Variants in DGKG observed in about 807,000 individuals in gnomAD.
DGKG encodes the protein diacylglycerol kinase gamma.
Under a neutral mutation model 105.3 loss-of-function variants are expected in DGKG, and 78 were observed. That is an observed-to-expected ratio of 0.74 (90% confidence interval 0.62 to 0.89). The LOEUF (loss-of-function observed/expected upper bound fraction) is 0.89. Among genes scored for constraint, DGKG ranks in the 40% least tolerant of loss-of-function variants. DGKG has a pLI of 0.00. For synonymous variants in DGKG, 346 were observed against 367.1 expected, an observed-to-expected ratio of 0.94 and a Z score of 0.66; for missense variants, 958 against 1,020.1, an observed-to-expected ratio of 0.94 and a Z score of 0.83.
At chr3:186,357,549 G>T (rs1227162336) in intron 1 of DGKG, among the ~76,000 whole-genome samples, 1 of 152,210 alleles carries the variant, frequency 6.6e-6, no homozygotes, top group East Asian at 1.9e-4. Context: ...TTCCTTATCT[G>T]TGAGATGGGG....
chr3:186,359,261 G>C (rs994999716), intron 1 of DGKG, among the ~76,000 whole-genome samples: 3 of 152,128 alleles, frequency 2.0e-5, no homozygotes, highest in Non-Finnish European at 4.4e-5. Context: ...ATGCCCTTTG[G>C]CCTGGTGATC....
chr3:186,260,363 G>A (rs1371414528), intron 16 of DGKG, 76 bp downstream of exon 16: 24 of 1,054,738 alleles, frequency 2.3e-5, no homozygotes, highest in Non-Finnish European at 3.3e-5. Context: ...GAAAAAAAAG[G>A]TGACAAAAGA....
At chr3:186,283,487 G>A (rs1486760527) in intron 7 of DGKG, among the ~76,000 whole-genome samples, 1 of 152,152 alleles carries the variant, frequency 6.6e-6, no homozygotes, top group Admixed American at 6.5e-5. Flanking sequence ...CTCCTAGAGA[G>A]GCCTTCCTCG....
intron 21 of DGKG, among the ~76,000 whole-genome samples, chr3:186,197,417 C>T (rs1718234827): frequency 6.6e-6 from 1 of 152,082 alleles, no homozygotes; most frequent in South Asian, 2.1e-4. Flanking sequence ...TGAAATCCCC[C>T]ACCACCCCGC....
intron 1 of DGKG, among the ~76,000 whole-genome samples, chr3:186,360,055 C>A (rs1387562373): frequency 1.3e-5 from 2 of 152,070 alleles, no homozygotes; most frequent in Non-Finnish European, 2.9e-5. Flanking sequence ...TTGCTGGCTT[C>A]TGGGTTCTTT....
chr3:186,328,722 C>T (rs1343210167), intron 1 of DGKG, among the ~76,000 whole-genome samples: 1 of 151,714 alleles, frequency 6.6e-6, no homozygotes, highest in South Asian at 2.1e-4. Flanking sequence ...ACTACAGGCA[C>T]CTGCCACCAC....
chr3:186,154,644 CAA>C (rs60767699), intron 24 of DGKG, among the ~76,000 whole-genome samples: 12 of 39,972 alleles, frequency 3.0e-4, no homozygotes, highest in African/African-American at 4.3e-4. Context: ...GACTCTGTCT[CAA>C]AAAAAAAAAA....
intron 5 of DGKG, among the ~76,000 whole-genome samples, chr3:186,295,299 G>C (rs1052042889): frequency 6.6e-6 from 1 of 152,002 alleles, no homozygotes; most frequent in African/African-American, 2.4e-5. Context: ...TCAGGAGATC[G>C]AGATCATCCT....
At chr3:186,162,834 G>A (rs1227598687) in intron 23 of DGKG, among the ~76,000 whole-genome samples, 4 of 151,906 alleles carry the variant, frequency 2.6e-5, no homozygotes, top group East Asian at 2.0e-4. Flanking sequence ...GAGCCACCGC[G>A]CCTGGCCCAA....
At position 186,297,068 on chromosome 3, in the gene DGKG, T is replaced by TCTCACACA. The variant is rs1452573661; in HGVS notation, c.373+352_373+353insTGTGTGAG. 4.2e-3 allele frequency among the ~76,000 whole-genome samples: 554 copies of TCTCACACA among 130,494 alleles called. 9 individuals are homozygous for TCTCACACA. Among genetic ancestry groups the TCTCACACA allele is most frequent in the African/African-American group, 0.013 (464 of 34,674 alleles). 85.6% of individuals were successfully genotyped at this position (130,494 alleles called of 152,430 possible). Reference sequence around the variant, plus strand: ...CTCTCTGTCTGTCTGTCTGTCTCTCTCACACACACACACACACACACACAC... The same window carrying TCTCACACA: ...CTCTCTGTCTGTCTGTCTGTCTCTCTCTCACACACACACACACACACACACACACACAC... On this transcript the variant is annotated intron_variant, in intron 5 of 24. Coordinates refer to ENST00000265022, the MANE Select transcript of DGKG (RefSeq NM_001346.3).
At chr3:186,169,701 T>C (rs1400061366) in intron 22 of DGKG, among the ~76,000 whole-genome samples, 1 of 152,234 alleles carries the variant, frequency 6.6e-6, no homozygotes, top group Non-Finnish European at 1.5e-5. Context: ...TCAGGTCAAG[T>C]GTCATCAACT....
At chr3:186,255,629 A>G (rs951548084) in intron 17 of DGKG, among the ~76,000 whole-genome samples, 2 of 152,200 alleles carry the variant, frequency 1.3e-5, no homozygotes, top group Non-Finnish European at 2.9e-5. Context: ...GGAGGTAGAA[A>G]TAAGGCTGGA....
chr3:186,180,755 G>A (rs374231509), intron 22 of DGKG, among the ~76,000 whole-genome samples: 5 of 152,172 alleles, frequency 3.3e-5, no homozygotes, highest in Admixed American at 2.6e-4. Context: ...TTATTTTGGC[G>A]TCTCAGCTGA....
At chr3:186,225,249 G>C (rs1036920625) in intron 20 of DGKG, among the ~76,000 whole-genome samples, 8 of 151,882 alleles carry the variant, frequency 5.3e-5, no homozygotes, top group Admixed American at 3.3e-4. Context: ...TTACAGGCAT[G>C]AGCCATTGCG....
chr3:186,342,546 C>T (rs1305629191), intron 1 of DGKG, among the ~76,000 whole-genome samples: 1 of 152,088 alleles, frequency 6.6e-6, no homozygotes. Flanking sequence ...GTCTCTCATT[C>T]TTTATTTTTT....
intron 1 of DGKG, among the ~76,000 whole-genome samples, chr3:186,360,866 A>G (rs1049978552): frequency 6.6e-6 from 1 of 152,000 alleles, no homozygotes; most frequent in Non-Finnish European, 1.5e-5. Context: ...CCAAGCCCCC[A>G]AAATAAAGGA....
At chr3:186,235,258 A>C (rs1174387147) in intron 20 of DGKG, among the ~76,000 whole-genome samples, 1 of 152,248 alleles carries the variant, frequency 6.6e-6, no homozygotes, top group Non-Finnish European at 1.5e-5. Context: ...AATAAGAAAA[A>C]ACACAGAAAA....
intron 22 of DGKG, among the ~76,000 whole-genome samples, chr3:186,167,938 C>T (rs554899905): frequency 6.6e-6 from 1 of 152,322 alleles, no homozygotes; most frequent in South Asian, 2.1e-4. Flanking sequence ...TGCAATTGAA[C>T]TGCAGGATCA....
chr3:186,171,150 T>C (rs1475332234), intron 22 of DGKG, among the ~76,000 whole-genome samples: 2 of 152,202 alleles, frequency 1.3e-5, no homozygotes, highest in Non-Finnish European at 2.9e-5. Context: ...AACAACTGTC[T>C]CTGTACATAT....
Sources: gnomAD v4.1 joint callset for allele counts (sites outside exome capture counted in the v4.1 genomes callset) on GRCh38, gnomAD v4.1.1 for gene constraint, MANE v1.5 for transcripts, NCBI Gene and HGNC (gene_info 2026-07-23, HGNC 2026-07-21) for gene names.